The following ADAMTS17 variants were observed in gnomAD, a reference collection of about 807,000 sequenced individuals.
The protein encoded by ADAMTS17 is A disintegrin and metalloproteinase with thrombospondin motifs 17.
A neutral mutation model predicts 141.5 loss-of-function variants in ADAMTS17; 113 were observed. That is an observed-to-expected ratio of 0.80 (90% CI 0.69 to 0.93). The LOEUF (loss-of-function observed/expected upper bound fraction) is 0.93, where lower values mean the gene tolerates loss of function less well. Among genes scored for constraint, ADAMTS17 ranks in the 40% least tolerant of loss-of-function variants. The pLI is 0.00. For missense variants in ADAMTS17, 1,659 were observed against 1,517.9 expected (o/e 1.09, Z -1.54); for synonymous variants, 768 against 630.6 (o/e 1.22, Z -3.27).
At chr15:100,331,532 C>G (rs2046054189) in intron 2 of ADAMTS17, among the ~76,000 whole-genome samples, 1 of 152,128 alleles carries the variant, frequency 6.6e-6, no homozygotes, top group Admixed American at 6.5e-5. Flanking sequence ...CCTCCTTCAG[C>G]AGGCACCTGC....
intron 13 of ADAMTS17, among the ~76,000 whole-genome samples, chr15:100,111,162 T>TCC (rs1224617779): frequency 6.6e-6 from 1 of 152,062 alleles, no homozygotes; most frequent in Non-Finnish European, 1.5e-5. Flanking sequence ...GACTGACCCC[T>TCC]CCCTCACACA....
At chr15:100,013,190 G>A (rs117621382) in intron 18 of ADAMTS17, among the ~76,000 whole-genome samples, 21 of 152,170 alleles carry the variant, frequency 1.4e-4, no homozygotes, top group Admixed American at 8.5e-4. Flanking sequence ...CTGCTTGGTC[G>A]CTTTTGGTAT....
intron 7 of ADAMTS17, among the ~76,000 whole-genome samples, chr15:100,246,033 C>A (rs999981959): frequency 1.3e-5 from 2 of 152,076 alleles, no homozygotes; most frequent in African/African-American, 2.4e-5. Flanking sequence ...TTCTCGGGAT[C>A]GCCAGTCCTC....
rs765555848 is a variant in ADAMTS17 at position 100,254,182 on chromosome 15, A to G, written c.1032-3T>C. On this transcript the variant is annotated splice_polypyrimidine_tract_variant and splice_region_variant and intron_variant, in intron 6 of 21. Transcript: ENST00000268070. ...CCTTGTGTACACAGAAATCTGTCCT[A>G]AAAAATAAAAAAGCCATCATCAGGT... 1.2e-6 allele frequency: 2 copies of G among 1,612,884 alleles called. No homozygotes were observed. Among genetic ancestry groups the G allele is most frequent in the South Asian group, 2.2e-5 (2 of 91,000 alleles).
At chr15:100,064,361 G>A (rs2033362779) in intron 15 of ADAMTS17, among the ~76,000 whole-genome samples, 2 of 152,166 alleles carry the variant, frequency 1.3e-5, no homozygotes, top group South Asian at 4.1e-4. Flanking sequence ...AGTTTCTGGT[G>A]CTTATGCCAC....
intron 7 of ADAMTS17, 56 bp from the exon 8 acceptor site, chr15:100,199,479 C>G (rs957847468): frequency 7.0e-7 from 1 of 1,426,586 alleles, no homozygotes; most frequent in East Asian, 2.3e-5. Context: ...CCTGGTCTCA[C>G]CGGGCAAGTC....
At position 100,040,342 on chromosome 15, in the gene ADAMTS17, G is replaced by A; in HGVS notation, c.2591+8515C>T. On this transcript the variant is annotated intron_variant, in intron 18 of 21. Transcript: ENST00000268070. ...TCTTCCAGAACCTGGAGAATACACAGCTTCCCTTCATTTCTGAGAGATCGC... is the reference window on the plus strand; with the variant it reads ...TCTTCCAGAACCTGGAGAATACACAACTTCCCTTCATTTCTGAGAGATCGC... Among the ~76,000 whole-genome samples the A allele has an allele frequency of 1.3e-5, 2 of 152,218 alleles. 1 individual carries two copies. The highest frequency in any genetic ancestry group is 2.9e-5 in the Non-Finnish European group (2 of 68,038).
chr15:100,034,568 C>A (rs948873758), intron 18 of ADAMTS17, among the ~76,000 whole-genome samples: 2 of 152,244 alleles, frequency 1.3e-5, no homozygotes, highest in African/African-American at 4.8e-5. Flanking sequence ...GGAAGAAGGA[C>A]CCCGCGTGTA....
At chr15:100,269,575 T>C (rs2142026094) in intron 4 of ADAMTS17, among the ~76,000 whole-genome samples, 1 of 152,310 alleles carries the variant, frequency 6.6e-6, no homozygotes, top group East Asian at 1.9e-4. Flanking sequence ...CCTCAGTGGA[T>C]AGAGACTCAC....
chr15:100,112,423 C>T (rs962032162), intron 13 of ADAMTS17, among the ~76,000 whole-genome samples: 3 of 152,066 alleles, frequency 2.0e-5, no homozygotes, highest in African/African-American at 4.8e-5. Context: ...TCAGGGCACC[C>T]ACATCTCTAG....
rs758423848 is a variant in ADAMTS17 at position 100,262,396 on chromosome 15, T to C, written c.829A>G (p.Ile277Val). 1.2e-6 allele frequency: 2 copies of C among 1,613,920 alleles called. No homozygotes were observed. Among genetic ancestry groups the C allele is most frequent in the African/African-American group, 1.3e-5 (1 of 74,880 alleles). ...ACAAGCTTGGTCACTTGAATGTTAA[T>C]TTTAATCCCCAGGCTCTGGTGCTGA... ...MFQHQSLGIK[I>V]NIQVTKLVLL... Residue 277 changes from isoleucine to valine, a missense_variant, in exon 5 of 22, where the codon ATT becomes GTT. Ile to Val is a conservative substitution (Grantham distance 29, BLOSUM62 3). Transcript: ENST00000268070.
chr15:100,113,074 T>C (rs1300944689), intron 13 of ADAMTS17, among the ~76,000 whole-genome samples: 2 of 152,186 alleles, frequency 1.3e-5, no homozygotes, highest in African/African-American at 4.8e-5. Context: ...CTCAGACTCC[T>C]GTTCCCAAAG....
chr15:100,253,917 T>C (rs1263760752), intron 7 of ADAMTS17, among the ~76,000 whole-genome samples: 3 of 152,038 alleles, frequency 2.0e-5, no homozygotes, highest in Non-Finnish European at 4.4e-5. Context: ...TCTTCATAGC[T>C]TCCTTAATGA....
At chr15:100,050,876 G>A (rs1283386793) in intron 17 of ADAMTS17, among the ~76,000 whole-genome samples, 1 of 152,188 alleles carries the variant, frequency 6.6e-6, no homozygotes, top group Non-Finnish European at 1.5e-5. Flanking sequence ...CTAAGAAACT[G>A]CTGGCTCAGA....
At chr15:100,152,891 A>G (rs1488792598) in intron 9 of ADAMTS17, 129 bp from the exon 10 acceptor site, 2 of 921,974 alleles carry the variant, frequency 2.2e-6, no homozygotes, top group East Asian at 5.5e-5. Context: ...TGGAAAAAGG[A>G]CGCAGGCACT....
At chr15:100,010,816 C>G (rs984738283) in intron 18 of ADAMTS17, among the ~76,000 whole-genome samples, 1 of 152,196 alleles carries the variant, frequency 6.6e-6, no homozygotes, top group African/African-American at 2.4e-5. Context: ...CCAGGGGACC[C>G]AGAGGGACGC....
chr15:100,318,381 G>A (rs1370838833), intron 3 of ADAMTS17, among the ~76,000 whole-genome samples: 1 of 152,018 alleles, frequency 6.6e-6, no homozygotes, highest in Non-Finnish European at 1.5e-5. Flanking sequence ...GGAAGGTGAA[G>A]CCTTTGGGAG....
rs148331650 is a variant in ADAMTS17 at position 100,245,165 on chromosome 15, G to C, written c.1075+8971C>G. On this transcript the variant is annotated intron_variant, in intron 7 of 21. Coordinates refer to ENST00000268070, the MANE Select transcript of ADAMTS17 (RefSeq NM_139057.4). ...AGCTGTGGAAGAATGACAGGGCAGT[G>C]GGCTTTGGACTGACACCAGTGTCAC... Among the ~76,000 whole-genome samples the C allele has an allele frequency of 3.4e-3, 513 of 152,252 alleles. 6 individuals are homozygous for C. Among genetic ancestry groups the C allele is most frequent in the African/African-American group, 0.011 (453 of 41,548 alleles).
intron 8 of ADAMTS17, among the ~76,000 whole-genome samples, chr15:100,185,459 G>A (rs2040680471): frequency 6.6e-6 from 1 of 152,112 alleles, no homozygotes. Context: ...AAGAACATGA[G>A]GGTCTAAAGT....
Sources: allele counts gnomAD v4.1 joint callset (sites outside exome capture counted in the v4.1 genomes callset), GRCh38; gene constraint gnomAD v4.1.1; transcripts MANE v1.5; gene names NCBI Gene and HGNC (gene_info 2026-07-23, HGNC 2026-07-21).